Variants in GAGE1 observed in about 807,000 individuals in gnomAD.
The protein encoded by GAGE1 is G antigen 4.
In GAGE1, 5 loss-of-function variants were observed where a neutral mutation model predicts 5.0. The ratio of observed to expected loss-of-function variants is 1.00; its 90% CI spans 0.52 to 2.11. GAGE1 has a LOEUF of 2.11. Ranked by LOEUF, GAGE1 falls within the 30% of genes most tolerant of loss-of-function variation. The probability of loss-of-function intolerance (pLI) is 0.01; values close to 1 mark genes in which losing one functional copy is unlikely to be tolerated. For missense variants in GAGE1, 9 were observed against 38.9 expected (o/e 0.23, Z 2.04); for synonymous variants, 6 against 14.8 (o/e 0.40, Z 1.37).
intron 4 of GAGE1, among the ~76,000 whole-genome samples, chrX:49,604,327 C>G (rs1362336333): frequency 1.8e-5 from 2 of 112,233 alleles, no homozygotes; most frequent in Non-Finnish European, 3.8e-5. Flanking sequence ...AGTATAAATC[C>G]TCAAACCAGT....
chrX:49,602,076 C>T (rs1198057722), intron 3 of GAGE1, among the ~76,000 whole-genome samples: 3 of 109,034 alleles, frequency 2.8e-5, no homozygotes, highest in Admixed American at 2.0e-4. Context: ...CTTGGGAGGC[C>T]GAGGTGAGAG....
intron 4 of GAGE1, among the ~76,000 whole-genome samples, chrX:49,604,379 A>T (rs190876668): frequency 1.8e-5 from 2 of 112,279 alleles, no homozygotes; most frequent in Non-Finnish European, 3.8e-5. Flanking sequence ...TCTGCTTTTA[A>T]TCAATACATA....
intron 4 of GAGE1, among the ~76,000 whole-genome samples, 193 bp downstream of exon 4, chrX:49,603,986 G>A (rs370904005): frequency 1.5e-4 from 17 of 113,076 alleles, no homozygotes; most frequent in South Asian, 3.6e-4. Flanking sequence ...TGGCGGAGCC[G>A]GGGTTACAGG....
At chrX:49,604,168 A>C (rs183979370) in intron 4 of GAGE1, among the ~76,000 whole-genome samples, 169 of 112,722 alleles carry the variant, frequency 1.5e-3, no homozygotes, top group Non-Finnish European at 2.2e-3. Context: ...TTATATTTTT[A>C]GTAAGAGAGA....
chrX:49,604,831 G>C (rs1175986956), intron 4 of GAGE1, among the ~76,000 whole-genome samples: 1 of 111,711 alleles, frequency 9.0e-6, no homozygotes, highest in Non-Finnish European at 1.9e-5. Flanking sequence ...TGTTTGCGAC[G>C]GAGTCTCAGT....
intron 4 of GAGE1, among the ~76,000 whole-genome samples, chrX:49,604,107 C>G (rs879980141): frequency 8.9e-6 from 1 of 112,788 alleles, no homozygotes; most frequent in African/African-American, 3.2e-5. Context: ...CCTGCCTCGA[C>G]CATTGAAATT....
chrX:49,604,464 A>T (rs1257477579), intron 4 of GAGE1, among the ~76,000 whole-genome samples: 2 of 112,441 alleles, frequency 1.8e-5, no homozygotes, highest in Non-Finnish European at 3.7e-5. Context: ...CAGCTCTTAC[A>T]GCCTTGGTGA....
intron 4 of GAGE1, among the ~76,000 whole-genome samples, chrX:49,605,302 G>C (rs1362253718): frequency 1.8e-5 from 2 of 111,930 alleles, no homozygotes; most frequent in Non-Finnish European, 3.8e-5. Flanking sequence ...GTAAATTTCA[G>C]CTTTAGAGAC....
At chrX:49,604,490 C>G (rs1557131723) in intron 4 of GAGE1, among the ~76,000 whole-genome samples, 2 of 112,128 alleles carry the variant, frequency 1.8e-5, no homozygotes, top group African/African-American at 6.5e-5. Flanking sequence ...TGAGTGAGTC[C>G]TTTCACTTCT....
rs1319476556 is a variant in GAGE1, at chrX:49,607,458, A to G, written c.*1443A>G. On this transcript the variant is annotated 3_prime_UTR_variant, in exon 5 of 5. Transcript: ENST00000381700. The stretch of plus-strand genomic sequence containing the variant: ...GTTGGTATGTAAAACCTCTTTTTCC[A>G]TTCACTGGAACTCAAGTCTCCTCAA... 9.0e-6 allele frequency: 1 copy of G among 111,212 alleles called. No individual in the cohort carries two copies. Among genetic ancestry groups the G allele is most frequent in the Non-Finnish European group, 1.9e-5 (1 of 53,065 alleles). 9.2% of individuals were successfully genotyped at this position (111,212 alleles called of 1,213,427 possible). A position where few individuals can be genotyped will look rare whatever the true frequency, so the allele number is the denominator to read the frequency against.
chrX:49,602,195 A>G (rs1472721862), intron 3 of GAGE1, among the ~76,000 whole-genome samples: 3 of 113,188 alleles, frequency 2.7e-5, no homozygotes, highest in African/African-American at 6.4e-5. Flanking sequence ...TCATTAAATA[A>G]ATAAAGTTTT....
rs781893334 is a variant in GAGE1, at chrX:49,605,003, A to T, written c.332-990A>T. 4.8e-5 allele frequency: 47 copies of T among 972,099 alleles called. 1 individual carries two copies. The South Asian group carries it at 8.3e-4, about 17-fold the overall frequency. The allele number at this position is 972,099 out of a possible 1,213,427, so 80.1% of individuals were successfully genotyped here. Reference sequence around the variant, plus strand: ...TTTTTTTTTCATTTTTGTAGAGATGAGGTCTCACTATGTTGCCCAGACTGG... The same window carrying T: ...TTTTTTTTTCATTTTTGTAGAGATGTGGTCTCACTATGTTGCCCAGACTGG... On this transcript the variant is annotated intron_variant, in intron 4 of 4. Transcript: ENST00000381700.
At position 49,605,253 on chromosome X, in the gene GAGE1, A is replaced by G. The variant is rs782753351; in HGVS notation, c.332-740A>G. ...ATTTCTAATAAGACTGTAGACACACATATGATATAATCATCTCTAATCATA... is the reference window on the plus strand; with the variant it reads ...ATTTCTAATAAGACTGTAGACACACGTATGATATAATCATCTCTAATCATA... On this transcript the variant is annotated intron_variant, in intron 4 of 4. Transcript: ENST00000381700. The G allele has an allele frequency of 8.6e-5, 54 of 628,338 alleles. No individual in the cohort carries two copies. In the South Asian group the frequency reaches 1.6e-3, roughly 19 times the overall value. 51.8% of individuals were successfully genotyped at this position (628,338 alleles called of 1,213,427 possible).
At chrX:49,605,091 C>G (rs782127603) in intron 4 of GAGE1, 21 of 1,016,362 alleles carry the variant, frequency 2.1e-5, no homozygotes, top group African/African-American at 1.6e-4. Context: ...CCTTGAGTGA[C>G]TGAAATATCA....
Position 49,606,870 on chromosome X carries a change from T to C in GAGE1, c.*855T>C, listed in dbSNP as rs1265000784. ...GCATGAAAAACATTTTGCTTCATGT[T>C]TGATTCTGTATGTTGAAAACTGAAA... On this transcript the variant is annotated 3_prime_UTR_variant, in exon 5 of 5. Coordinates refer to ENST00000381700, the MANE Select transcript of GAGE1 (RefSeq NM_001040663.4). 8.9e-6 allele frequency: 1 copy of C among 112,696 alleles called. No individual in the cohort carries two copies. Among genetic ancestry groups the C allele is most frequent in the African/African-American group, 3.2e-5 (1 of 31,084 alleles). The allele number at this position is 112,696 out of a possible 1,213,427, so 9.3% of individuals were successfully genotyped here. A position where few individuals can be genotyped will look rare whatever the true frequency, so the allele number is the denominator to read the frequency against.
At chrX:49,603,524 T>C (rs2066625965) in intron 3 of GAGE1, 144 bp from the exon 4 acceptor site, 1 of 1,169,269 alleles carries the variant, frequency 8.6e-7, no homozygotes, top group East Asian at 3.0e-5. Flanking sequence ...ACTCCTGAAA[T>C]AATGTTCCTG....
In GAGE1 at chrX:49,607,182, G is replaced by A. The variant is rs1171164141; in HGVS notation, c.*1167G>A. On this transcript the variant is annotated 3_prime_UTR_variant, in exon 5 of 5. Transcript: ENST00000381700. ...GGTATTTTTTCATGTTGCCCAGGCTGGTTTTATACTCCTAATCTCAAGCCA... is the reference window on the plus strand; with the variant it reads ...GGTATTTTTTCATGTTGCCCAGGCTAGTTTTATACTCCTAATCTCAAGCCA... The A allele has an allele frequency of 9.0e-6, 1 of 110,752 alleles. No individual in the cohort carries two copies. Among genetic ancestry groups the A allele is most frequent in the Non-Finnish European group, 1.9e-5 (1 of 53,002 alleles). The allele number at this position is 110,752 out of a possible 1,213,427, so 9.1% of individuals were successfully genotyped here.
At position 49,608,268 on chromosome X, in the gene GAGE1, CT is replaced by C. The variant is rs1338543309; in HGVS notation, c.*2256del. 3.6e-5 allele frequency: 4 copies of C among 111,557 alleles called. No individual in the cohort carries two copies. The highest frequency in any genetic ancestry group is 1.3e-4 in the African/African-American group (4 of 30,709). 9.2% of individuals were successfully genotyped at this position (111,557 alleles called of 1,213,427 possible). A position where few individuals can be genotyped will look rare whatever the true frequency, so the allele number is the denominator to read the frequency against. ...CTTGTTCTGACTGAAAAACAAAGTG[CT>C]TTGACTGTGCTGTGACCCAGCCAGC... On this transcript the variant is annotated 3_prime_UTR_variant, in exon 5 of 5. Coordinates refer to ENST00000381700, the MANE Select transcript of GAGE1 (RefSeq NM_001040663.4).
chrX:49,606,689 G>A lies in GAGE1; in HGVS notation c.*674G>A, dbSNP rs2066661588. On this transcript the variant is annotated 3_prime_UTR_variant, in exon 5 of 5. Transcript: ENST00000381700. ...GATGGACTTTTTCAGAGTAAGTCAA[G>A]CCATTCTGTTTTAGTTTGTTGAGAG... is the stretch of plus-strand genomic sequence containing the variant. 1 of 111,942 alleles carries A rather than the reference G, an allele frequency of 8.9e-6. No homozygotes were observed. The highest frequency in any genetic ancestry group is 3.7e-4 in the South Asian group (1 of 2,695). 9.2% of individuals were successfully genotyped at this position (111,942 alleles called of 1,213,427 possible). A position where few individuals can be genotyped will look rare whatever the true frequency, so the allele number is the denominator to read the frequency against.
Sources: gnomAD v4.1 joint callset for allele counts (sites outside exome capture counted in the v4.1 genomes callset) on GRCh38, gnomAD v4.1.1 for gene constraint, MANE v1.5 for transcripts, NCBI Gene and HGNC (gene_info 2026-07-23, HGNC 2026-07-21) for gene names.